The following CDH18 variants were observed in gnomAD, a reference collection of about 807,000 sequenced individuals.
CDH18 encodes the protein cadherin-18.
In CDH18, 31 loss-of-function variants were observed where a neutral mutation model predicts 67.9. The observed-to-expected ratio is 0.46, with a 90% confidence interval of 0.34 to 0.62. CDH18 has a LOEUF of 0.62. CDH18 is among the 20% of genes least tolerant of loss of function. CDH18 has a pLI of 0.01. For synonymous variants in CDH18, 362 were observed against 347.2 expected (o/e 1.04, Z -0.48); for missense variants, 890 against 975.5 (o/e 0.91, Z 1.17).
intron 4 of CDH18, among the ~76,000 whole-genome samples, chr5:19,736,191 G>A (rs1768299177): frequency 6.6e-6 from 1 of 152,064 alleles, no homozygotes; most frequent in South Asian, 2.1e-4. Flanking sequence ...TTAAAATTTT[G>A]TTCAGTGTGG....
At chr5:20,457,371 G>A (rs1381682738) in intron 1 of CDH18, among the ~76,000 whole-genome samples, 1 of 152,158 alleles carries the variant, frequency 6.6e-6, no homozygotes, top group Non-Finnish European at 1.5e-5. Context: ...AATATTTATT[G>A]AGTGCTTTCA....
chr5:20,366,190 T>C (rs1393557267), intron 1 of CDH18, among the ~76,000 whole-genome samples: 1 of 152,144 alleles, frequency 6.6e-6, no homozygotes, highest in Non-Finnish European at 1.5e-5. Context: ...TTGATGATCT[T>C]CCAGACCCAC....
Position 19,687,380 on chromosome 5 carries a change from C to T in CDH18, c.643+33967G>A, listed in dbSNP as rs559912373. On this transcript the variant is annotated intron_variant, in intron 5 of 12. Coordinates refer to ENST00000382275, the MANE Select transcript of CDH18 (RefSeq NM_004934.5). ...GTCACTGGAGTTCACTGACATTCCT[C>T]CCCTTGCACACTTGTCTTACATTCA... Among the ~76,000 whole-genome samples, 18 of 152,304 alleles carry T rather than the reference C, an allele frequency of 1.2e-4. 1 individual carries two copies. Among genetic ancestry groups the T allele is most frequent in the Admixed American group, 2.6e-4 (4 of 15,294 alleles).
chr5:19,612,317 T>C, intron 6 of CDH18, 117 bp downstream of exon 6: 1 of 969,844 alleles, frequency 1.0e-6, no homozygotes, highest in Non-Finnish European at 1.6e-6. Flanking sequence ...GATCATATAG[T>C]ACAAAAACAG....
chr5:19,536,067 T>G (rs755975967), intron 9 of CDH18, among the ~76,000 whole-genome samples: 1 of 152,174 alleles, frequency 6.6e-6, no homozygotes, highest in Non-Finnish European at 1.5e-5. Context: ...TTTATGTATT[T>G]AACAAAATTT....
chr5:19,722,699 T>C (rs953962177), intron 4 of CDH18, among the ~76,000 whole-genome samples: 2 of 151,914 alleles, frequency 1.3e-5, no homozygotes, highest in African/African-American at 2.4e-5. Context: ...ATTCATAAAA[T>C]GTACCTGATG....
chr5:20,336,303 G>A (rs1414099612), intron 1 of CDH18, among the ~76,000 whole-genome samples: 1 of 152,066 alleles, frequency 6.6e-6, no homozygotes. Context: ...CACAGTTAGG[G>A]GCTGGTTAGG....
At chr5:20,111,669 C>A (rs1747488689) in intron 2 of CDH18, among the ~76,000 whole-genome samples, 1 of 151,332 alleles carries the variant, frequency 6.6e-6, no homozygotes, top group Admixed American at 6.6e-5. Flanking sequence ...CTCAGCCTGC[C>A]AAGTAGCTGG....
At chr5:20,319,762 A>G (rs1737824210) in intron 1 of CDH18, among the ~76,000 whole-genome samples, 1 of 152,254 alleles carries the variant, frequency 6.6e-6, no homozygotes, top group East Asian at 1.9e-4. Context: ...TGCACATCCA[A>G]TTTTATAGCA....
chr5:19,587,263 C>A (rs1744311284), intron 7 of CDH18, among the ~76,000 whole-genome samples: 1 of 152,024 alleles, frequency 6.6e-6, no homozygotes, highest in East Asian at 1.9e-4. Flanking sequence ...AAATAAATGC[C>A]AAAACCTGCA....
In CDH18 at chr5:19,655,450, A is replaced by T. The variant is rs191900327; in HGVS notation, c.644-42849T>A. On this transcript the variant is annotated intron_variant, in intron 5 of 12. Coordinates refer to ENST00000382275, the MANE Select transcript of CDH18 (RefSeq NM_004934.5). ...TATCAGTAATATATATATATTTAAA[A>T]TAAGGAAGAGAGTTTCTATCTAAAC... Among the ~76,000 whole-genome samples the T allele has an allele frequency of 4.4e-3, 661 of 151,820 alleles. 6 individuals are homozygous for T. Among genetic ancestry groups the T allele is most frequent in the African/African-American group, 0.015 (632 of 41,446 alleles).
chr5:19,844,390 C>T (rs781271300), intron 2 of CDH18, among the ~76,000 whole-genome samples: 3 of 152,078 alleles, frequency 2.0e-5, no homozygotes, highest in Non-Finnish European at 2.9e-5. Context: ...GCTCTTTCCC[C>T]TTTGTTCTGC....
In CDH18 at chr5:20,031,248, A is replaced by G. The variant is rs75451659; in HGVS notation, c.-517-39234T>C. Among the ~76,000 whole-genome samples the G allele has an allele frequency of 0.018, 2,796 of 152,218 alleles. 192 individuals are homozygous for G. The East Asian group carries it at 0.25, about 14-fold the overall frequency. On this transcript the variant is annotated intron_variant, in intron 2 of 14. Transcript: ENST00000507958. ...AGGTGGCTACGGTTGGATTATTATG[A>G]TGAATTTCCATAAAAACCCAGGATT...
At chr5:19,642,365 C>A (rs992982040) in intron 5 of CDH18, among the ~76,000 whole-genome samples, 1 of 151,862 alleles carries the variant, frequency 6.6e-6, no homozygotes, top group African/African-American at 2.4e-5. Context: ...ACCCTAATAT[C>A]CAAAGCAATC....
intron 1 of CDH18, among the ~76,000 whole-genome samples, chr5:19,982,061 T>G (rs1412307500): frequency 6.6e-6 from 1 of 152,194 alleles, no homozygotes; most frequent in Non-Finnish European, 1.5e-5. Flanking sequence ...AAAATATAAT[T>G]TAATATGCAA....
chr5:20,558,842 G>A (rs542672593), intron 1 of CDH18, among the ~76,000 whole-genome samples: 2 of 152,006 alleles, frequency 1.3e-5, no homozygotes, highest in South Asian at 2.1e-4. Flanking sequence ...TTTTATATGA[G>A]CTGATGCTTT....
At chr5:20,144,010 G>A (rs1301125585) in intron 2 of CDH18, among the ~76,000 whole-genome samples, 2 of 152,156 alleles carry the variant, frequency 1.3e-5, no homozygotes, top group Non-Finnish European at 2.9e-5. Context: ...TGCATGGGAA[G>A]TAGACAAGAT....
intron 3 of CDH18, among the ~76,000 whole-genome samples, chr5:19,782,081 T>C (rs1775176729): frequency 6.6e-6 from 1 of 152,116 alleles, no homozygotes; most frequent in South Asian, 2.1e-4. Flanking sequence ...AACACACCTG[T>C]ATTAATTTAT....
chr5:19,982,482 CCATA>C (rs1413955504), intron 1 of CDH18, among the ~76,000 whole-genome samples: 13 of 151,580 alleles, frequency 8.6e-5, no homozygotes, highest in African/African-American at 3.1e-4. Flanking sequence ...TATTTAATTG[CCATA>C]CATTTATCAT....
Sources: gnomAD v4.1 joint callset for allele counts (sites outside exome capture counted in the v4.1 genomes callset) on GRCh38, gnomAD v4.1.1 for gene constraint, MANE v1.5 for transcripts, NCBI Gene and HGNC (gene_info 2026-07-23, HGNC 2026-07-21) for gene names.